Variants in COL6A5 observed in about 807,000 individuals in gnomAD.
COL6A5 encodes collagen type VI alpha 5 chain, also known as collagen alpha-5(VI) chain.
Under a neutral mutation model 65.6 loss-of-function variants are expected in COL6A5, and 48 were observed. The ratio of observed to expected loss-of-function variants is 0.73; its 90% CI spans 0.58 to 0.93. The LOEUF (loss-of-function observed/expected upper bound fraction) is 0.93, where lower values mean the gene tolerates loss of function less well. Among genes scored for constraint, COL6A5 ranks in the 40% least tolerant of loss-of-function variants. The pLI, the probability that COL6A5 is intolerant of heterozygous loss-of-function variation, is 0.00. For missense variants in COL6A5, 914 were observed against 928.3 expected, an observed-to-expected ratio of 0.98 and a Z score of 0.20; for synonymous variants, 291 against 322.8, an observed-to-expected ratio of 0.90 and a Z score of 1.05.
chr3:130,445,887 T>C (rs145469628), intron 4 of COL6A5, among the ~76,000 whole-genome samples: 4,827 of 152,266 alleles, frequency 0.032, 104 homozygotes, highest in South Asian at 0.09. Context: ...TATTACTGCA[T>C]GTGAGTTAAC....
chr3:130,367,820 C>T (rs1156654352), intron 1 of COL6A5, among the ~76,000 whole-genome samples: 1 of 152,148 alleles, frequency 6.6e-6, no homozygotes, highest in African/African-American at 2.4e-5. Flanking sequence ...AATCATGAGT[C>T]GGATTTGGTC....
chr3:130,403,570 G>T, intron 12 of COL6A5, 39 bp from the exon 13 acceptor site: 1 of 1,520,370 alleles, frequency 6.6e-7, no homozygotes, highest in Non-Finnish European at 8.9e-7. Context: ...TTTATTGGGG[G>T]GGGGTGACTA....
At chr3:130,361,517 A>G (rs1049365202) in intron 1 of COL6A5, among the ~76,000 whole-genome samples, 1 of 152,092 alleles carries the variant, frequency 6.6e-6, no homozygotes, top group African/African-American at 2.4e-5. Context: ...TTTGGCAATT[A>G]TCAATAAGGC....
At chr3:130,430,840 C>T (rs1476682395), upstream of COL6A5, among the ~76,000 whole-genome samples, 1 of 152,128 alleles carries the variant, frequency 6.6e-6, no homozygotes, top group Non-Finnish European at 1.5e-5. Flanking sequence ...TATAATGATC[C>T]TTGCCAATAC....
chr3:130,376,715 A>G (rs2107638194), exon 3 of COL6A5: 1 of 1,613,756 alleles, frequency 6.2e-7, no homozygotes, highest in South Asian at 1.1e-5. Context: ...CCATGGCCAC[A>G]TCCCATTTCC....
At chr3:130,363,494 A>T (rs1935215494) in intron 1 of COL6A5, among the ~76,000 whole-genome samples, 1 of 152,076 alleles carries the variant, frequency 6.6e-6, no homozygotes, top group African/African-American at 2.4e-5. Flanking sequence ...GGATGGTGTA[A>T]TGGGGACTAG....
At chr3:130,399,993 C>T (rs963390336) in intron 10 of COL6A5, among the ~76,000 whole-genome samples, 2 of 151,346 alleles carry the variant, frequency 1.3e-5, no homozygotes, top group Admixed American at 1.3e-4. Context: ...AAATACCTGA[C>T]CTCAGGTGAT....
intron 25 of COL6A5, among the ~76,000 whole-genome samples, chr3:130,420,926 T>C (rs1451042756): frequency 6.6e-6 from 1 of 152,088 alleles, no homozygotes; most frequent in Non-Finnish European, 1.5e-5. Context: ...CACCCCTCTG[T>C]TTCCTGCAAT....
chr3:130,467,380 C>G (rs1161156374), intron 5 of COL6A5, among the ~76,000 whole-genome samples: 2 of 151,762 alleles, frequency 1.3e-5, no homozygotes, highest in African/African-American at 4.8e-5. Flanking sequence ...CACCAGTTAA[C>G]AATAATTTAT....
At chr3:130,373,579 T>C in intron 1 of COL6A5, 32 bp from the exon 2 acceptor site, 3 of 1,037,072 alleles carry the variant, frequency 2.9e-6, no homozygotes, top group Non-Finnish European at 2.9e-6. Context: ...TAAAATAAAA[T>C]TTTTCATAAT....
chr3:130,395,173 C>T (rs2107657162), exon 8 of COL6A5: 1 of 1,551,646 alleles, frequency 6.4e-7, no homozygotes, highest in East Asian at 2.4e-5. Context: ...AAAAAGTGAG[C>T]AATATGTTTA....
chr3:130,346,887 A>AT (rs564374864), intron 1 of COL6A5, among the ~76,000 whole-genome samples: 2 of 152,106 alleles, frequency 1.3e-5, no homozygotes, highest in African/African-American at 2.4e-5. Context: ...ACACTGCAAG[A>AT]TTTTTTTCCA....
At chr3:130,350,595 A>C (rs1406133384) in intron 1 of COL6A5, among the ~76,000 whole-genome samples, 2 of 152,224 alleles carry the variant, frequency 1.3e-5, no homozygotes, top group Non-Finnish European at 2.9e-5. Context: ...TAGGTATCCA[A>C]CTTACAAGGG....
intron 7 of COL6A5, 104 bp downstream of exon 7, chr3:130,391,858 A>G (rs1936415496): frequency 1.2e-6 from 1 of 851,688 alleles, no homozygotes; most frequent in African/African-American, 1.7e-5. Context: ...TTATGGACTG[A>G]ACATTTCTCT....
At chr3:130,469,146 A>G (rs557933920) in exon 6 of COL6A5, 8 of 1,613,128 alleles carry the variant, frequency 5.0e-6, no homozygotes, top group South Asian at 3.3e-5. Flanking sequence ...CAACAGCTCA[A>G]TGGAGATGTT....
chr3:130,428,667 G>A (rs1937665833), upstream of COL6A5, among the ~76,000 whole-genome samples: 1 of 152,100 alleles, frequency 6.6e-6, no homozygotes, highest in Non-Finnish European at 1.5e-5. Context: ...GTTAACACGT[G>A]GAAGTACTCA....
intron 4 of COL6A5, 86 bp downstream of exon 4, chr3:130,380,136 T>A: frequency 9.9e-7 from 1 of 1,014,142 alleles, no homozygotes; most frequent in South Asian, 2.0e-5. Context: ...TCAACTGTAA[T>A]TGGATAAAGG....
chr3:130,451,414 C>T (rs1709430299), intron 4 of COL6A5, among the ~76,000 whole-genome samples: 1 of 152,094 alleles, frequency 6.6e-6, no homozygotes, highest in Non-Finnish European at 1.5e-5. Context: ...CTGGTGATTA[C>T]TGCTGTTCAC....
chr3:130,355,833 A>G (rs1380666887), intron 1 of COL6A5, among the ~76,000 whole-genome samples: 3 of 152,074 alleles, frequency 2.0e-5, no homozygotes, highest in Non-Finnish European at 4.4e-5. Flanking sequence ...TTACTTTAAA[A>G]AAAAAGGAAT....
Sources: allele counts gnomAD v4.1 joint callset (sites outside exome capture counted in the v4.1 genomes callset), GRCh38; gene constraint gnomAD v4.1.1; transcripts MANE v1.5; gene names NCBI Gene and HGNC (gene_info 2026-07-23, HGNC 2026-07-21).